The following STAT5A variants were observed in gnomAD, a reference collection of about 807,000 sequenced individuals.
STAT5A encodes epididymis secretory sperm binding protein.
In STAT5A, 26 loss-of-function variants were observed where a neutral mutation model predicts 100.2. The observed-to-expected ratio is 0.26, with a 90% CI of 0.19 to 0.36. The LOEUF (loss-of-function observed/expected upper bound fraction) is 0.36. STAT5A is among the 10% of genes least tolerant of loss of function. STAT5A has a pLI of 1.00. For synonymous variants in STAT5A, 330 were observed against 424.3 expected (o/e 0.78, Z 2.73); for missense variants, 634 against 1,027.5 (o/e 0.62, Z 5.24).
rs1263640136 is a variant in STAT5A, at chr17:42,289,913, A to C, written c.176A>C (p.Gln59Pro). 6.3e-7 allele frequency: 1 copy of C among 1,598,236 alleles called. No individual in the cohort carries two copies. The change falls in exon 3 of 19, where the codon CAG becomes CCG. Residue 59 changes from glutamine to proline, a missense_variant. Around this residue, in one of 5 missense-constraint regions of STAT5A, gnomAD observed 207 missense variants for 256.6 expected, o/e 0.81. Transcript: ENST00000590949. ...CCCCAGGACAGAGCCCAAGCCACCCAGCTCCTGGAGGGCCTGGTGCAGGAG... is the reference window on the plus strand; with the variant it reads ...CCCCAGGACAGAGCCCAAGCCACCCCGCTCCTGGAGGGCCTGGTGCAGGAG... ...DNPQDRAQAT[Q>P]LLEGLVQELQ...
chr17:42,299,484 G>A (rs1037370558), intron 5 of STAT5A, among the ~76,000 whole-genome samples: 38 of 152,354 alleles, frequency 2.5e-4, no homozygotes, highest in African/African-American at 8.7e-4. Context: ...CGGGCAGGAG[G>A]CAGGCAGGCC....
upstream of STAT5A, chr17:42,288,457 G>T: frequency 6.6e-6 from 1 of 152,592 alleles, no homozygotes; most frequent in South Asian, 2.0e-4. This position sits in a 1 kb window ranked among gnomAD's most constrained non-coding sequence, Gnocchi z 4.8. Context: ...GCAGGCAGCT[G>T]ACCTTTGAGG....
Position 42,301,435 on chromosome 17 carries a change from A to G in STAT5A, c.1150A>G (p.Lys384Glu), listed in dbSNP as rs1476119431. 2 of 1,614,168 alleles carry G rather than the reference A, an allele frequency of 1.2e-6. No homozygotes were observed. Among genetic ancestry groups the G allele is most frequent in the Admixed American group, 3.3e-5 (2 of 60,012 alleles). The change falls in exon 9 of 19, where the codon AAA becomes GAA. Residue 384 changes from lysine (K) to glutamate (E), a missense_variant. Physicochemically the swap from Lys to Glu is moderately conservative, Grantham distance 56. Coordinates refer to ENST00000590949, the MANE Select transcript of STAT5A (RefSeq NM_001288718.2). The part of the protein sequence containing the change: ...ISEQQAKSLL[K>E]NENTRNECSG... ...TGAGCAGCAGGCCAAGTCTCTGCTT[A>G]AAAATGAGAACACCCGCAAGTAATT...
At chr17:42,303,507 C>T (rs994243107) in intron 9 of STAT5A, among the ~76,000 whole-genome samples, 2 of 152,122 alleles carry the variant, frequency 1.3e-5, no homozygotes, top group South Asian at 2.1e-4. Flanking sequence ...ATCAGGAGTT[C>T]GAAACCAGCC....
chr17:42,288,700 G>A lies in STAT5A; in HGVS notation c.-11+102G>A, dbSNP rs989106905. On this transcript the variant is annotated intron_variant, in intron 1 of 18. Transcript: ENST00000590949. This position sits in a 1 kb window ranked among gnomAD's most constrained non-coding sequence, Gnocchi z 4.8. ...CCGGAGCTCGACGGCCGGGCGCAGC[G>A]CGGGGATCAGTCCCCGGCACTGCGA... The A allele has an allele frequency of 6.6e-6, 1 of 152,302 alleles. No individual in the cohort carries two copies. Among genetic ancestry groups the A allele is most frequent in the Non-Finnish European group, 1.5e-5 (1 of 68,108 alleles). The allele number at this position is 152,302 out of a possible 1,614,324, so 9.4% of individuals were successfully genotyped here. A position where few individuals can be genotyped will look rare whatever the true frequency, so the allele number is the denominator to read the frequency against.
In STAT5A at chr17:42,289,871, C is replaced by T; in HGVS notation, c.134C>T (p.Ala45Val). The change falls in exon 3 of 19, where the codon GCC becomes GTC. Residue 45 changes from alanine (A) to valine (V), a missense_variant. Physicochemically the swap from Ala to Val is moderately conservative, Grantham distance 64 (BLOSUM62 0). Transcript: ENST00000590949. ...CTCTTCTGCCCTGCCCCAAGGGATGCCATTGACTTGGACAATCCCCAGGAC... is the reference window on the plus strand; with the variant it reads ...CTCTTCTGCCCTGCCCCAAGGGATGTCATTGACTTGGACAATCCCCAGGAC... ...AQWIESQPWD[A>V]IDLDNPQDRA... 1.9e-6 allele frequency: 3 copies of T among 1,562,590 alleles called. No individual in the cohort carries two copies. The highest frequency in any genetic ancestry group is 2.4e-5 in the South Asian group (2 of 84,696).
At chr17:42,290,688 G>T (rs2080861430) in intron 3 of STAT5A, among the ~76,000 whole-genome samples, 1 of 152,194 alleles carries the variant, frequency 6.6e-6, no homozygotes, top group African/African-American at 2.4e-5. Context: ...GGGGCAGGAT[G>T]GTGGGAAGTA....
chr17:42,301,168 C>T (rs569724116), intron 8 of STAT5A, 107 bp from the exon 9 acceptor site: 10 of 1,519,026 alleles, frequency 6.6e-6, no homozygotes, highest in African/African-American at 4.1e-5. Flanking sequence ...GAGCTCATCA[C>T]CTCCTGAGCC....
At chr17:42,307,539 C>T in intron 14 of STAT5A, 43 bp downstream of exon 14, 1 of 1,614,092 alleles carries the variant, frequency 6.2e-7, no homozygotes. Context: ...GCTGTGGGCG[C>T]AGAGAGACTG....
upstream of STAT5A, chr17:42,288,005 GCACACACGCGCGTGCACACA>G (rs1024415920): frequency 1.4e-4 from 22 of 152,120 alleles, no homozygotes; most frequent in African/African-American, 5.1e-4. This position sits in a 1 kb window ranked among gnomAD's most constrained non-coding sequence, Gnocchi z 4.8. Flanking sequence ...ACACACATGC[GCACACACGCGCGTGCACACA>G]CACACCCCAC....
intron 3 of STAT5A, 97 bp from the exon 4 acceptor site, chr17:42,291,875 A>G (rs2080872276): frequency 7.6e-7 from 1 of 1,316,634 alleles, no homozygotes; most frequent in Non-Finnish European, 1.1e-6. Context: ...GGAAAAGCTG[A>G]GGCAGAGGCT....
chr17:42,305,517 A>AT, intron 11 of STAT5A, 93 bp from the exon 12 acceptor site: 4 of 1,080,212 alleles, frequency 3.7e-6, no homozygotes, highest in Non-Finnish European at 5.5e-6. Flanking sequence ...AAAAAAATAC[A>AT]TAAAAAAAAA....
In STAT5A at chr17:42,300,794, A is replaced by G; in HGVS notation, c.913A>G (p.Ile305Val). The change falls in exon 8 of 19, where the codon ATC becomes GTC. Residue 305 changes from isoleucine to valine, a missense_variant. Ile to Val is a conservative substitution (Grantham distance 29). This residue lies in a region of STAT5A where 98 missense variants were observed against 149.7 expected (regional missense o/e 0.65). Transcript: ENST00000590949. ...RAEHLCQQLP[I>V]PGPVEEMLAE... ...TGAGCACCTCTGCCAGCAGCTGCCCATCCCCGGCCCAGTGGAGGAGATGCT... is the reference window on the plus strand; with the variant it reads ...TGAGCACCTCTGCCAGCAGCTGCCCGTCCCCGGCCCAGTGGAGGAGATGCT... 6.2e-7 allele frequency: 1 copy of G among 1,612,600 alleles called. No individual in the cohort carries two copies. Among genetic ancestry groups the G allele is most frequent in the Non-Finnish European group, 8.5e-7 (1 of 1,179,334 alleles).
At chr17:42,289,278 C>T in intron 1 of STAT5A, 124 bp from the exon 2 acceptor site, 1 of 1,107,148 alleles carries the variant, frequency 9.0e-7, no homozygotes, top group Non-Finnish European at 1.2e-6. Flanking sequence ...GGAAAGCTAT[C>T]TGTGGGAGGG....
Position 42,308,239 on chromosome 17 carries a change from G to A in STAT5A, c.1968G>A (p.Leu656=). Residue 656 remains leucine (L), a synonymous_variant, in exon 16 of 19, where the codon CTG becomes CTA. Transcript: ENST00000590949. The surrounding 1 kb of genome is among the most constrained non-coding windows in gnomAD (Gnocchi z 4.6). ...CGCGGGATTTCTCCATCAGGTCCCT[G>A]GCTGACCGGCTGGGGGACCTGAGCT... ...FTTRDFSIRS[L]ADRLGDLSYL... is the part of the protein sequence containing the mutation. 2 of 1,614,218 alleles carry A rather than the reference G, an allele frequency of 1.2e-6. No individual in the cohort carries two copies. The highest frequency in any genetic ancestry group is 1.7e-6 in the Non-Finnish European group (2 of 1,180,036).
Position 42,289,898 on chromosome 17 carries a change from G to A in STAT5A, c.161G>A (p.Arg54Lys). The change falls in exon 3 of 19, where the codon AGA (arginine) becomes AAA (lysine). Residue 54 changes from arginine to lysine, a missense_variant. This residue lies in a region of STAT5A where 207 missense variants were observed against 256.6 expected (regional missense o/e 0.81). Coordinates refer to ENST00000590949, the MANE Select transcript of STAT5A (RefSeq NM_001288718.2). ...DAIDLDNPQD[R>K]AQATQLLEGL... Reference sequence around the variant, plus strand: ...ATTGACTTGGACAATCCCCAGGACAGAGCCCAAGCCACCCAGCTCCTGGAG... The same window carrying A: ...ATTGACTTGGACAATCCCCAGGACAAAGCCCAAGCCACCCAGCTCCTGGAG... 1.3e-6 allele frequency: 2 copies of A among 1,588,780 alleles called. No individual in the cohort carries two copies. Among genetic ancestry groups the A allele is most frequent in the Non-Finnish European group, 1.7e-6 (2 of 1,167,094 alleles).
At chr17:42,289,716 T>G in intron 2 of STAT5A, 150 bp from the exon 3 acceptor site, 1 of 1,377,664 alleles carries the variant, frequency 7.3e-7, no homozygotes, top group Non-Finnish European at 9.6e-7. Context: ...GTTTTTAGAC[T>G]CGGATGTCTG....
chr17:42,305,108 G>A (rs1283863704), intron 11 of STAT5A, among the ~76,000 whole-genome samples: 3 of 152,228 alleles, frequency 2.0e-5, no homozygotes, highest in African/African-American at 7.2e-5. Flanking sequence ...GCTGAGGCAG[G>A]AGGATCACTT....
chr17:42,309,627 A>C, intron 18 of STAT5A, 143 bp downstream of exon 18: 1 of 760,030 alleles, frequency 1.3e-6, no homozygotes. Flanking sequence ...AGGAAAACAG[A>C]GCATTTTGAA....
Sources: allele counts gnomAD v4.1 joint callset (sites outside exome capture counted in the v4.1 genomes callset), GRCh38; gene constraint gnomAD v4.1.1; regional missense constraint gnomAD v4.1.1; non-coding constraint Gnocchi (gnomAD v3.1); transcripts MANE v1.5; gene names NCBI Gene and HGNC (gene_info 2026-07-23, HGNC 2026-07-21).